Variants in NEGR1 observed in about 807,000 individuals in gnomAD.
NEGR1 encodes the protein neuronal growth regulator 1.
NEGR1 carries 10 observed loss-of-function variants against 40.9 expected under a neutral mutation model. The ratio of observed to expected loss-of-function variants is 0.24; its 90% CI spans 0.15 to 0.42. The LOEUF (loss-of-function observed/expected upper bound fraction) is 0.42. Ranked by LOEUF, NEGR1 falls within the 10% of genes least tolerant of loss-of-function variation. NEGR1 has a pLI of 1.00. For missense variants in NEGR1, 352 were observed against 438.9 expected (o/e 0.80, Z 1.77); for synonymous variants, 185 against 166.8 (o/e 1.11, Z -0.84).
chr1:72,176,063 T>C (rs1400532458), intron 1 of NEGR1, among the ~76,000 whole-genome samples: 16 of 152,076 alleles, frequency 1.1e-4, no homozygotes, highest in African/African-American at 3.6e-4. Flanking sequence ...CAGAAAGCAA[T>C]ACAAATTGCA....
At chr1:72,145,380 A>AACAGC (rs1650867912) in intron 1 of NEGR1, among the ~76,000 whole-genome samples, 1 of 152,120 alleles carries the variant, frequency 6.6e-6, no homozygotes, top group Non-Finnish European at 1.5e-5. Context: ...ACTTCAAGTG[A>AACAGC]ATTGAGTTGT....
intron 6 of NEGR1, among the ~76,000 whole-genome samples, chr1:71,430,184 C>T (rs369737368): frequency 1.3e-5 from 2 of 152,250 alleles, no homozygotes; most frequent in South Asian, 2.1e-4. Context: ...TGTTTGGCAC[C>T]TTCTGGCAAA....
intron 2 of NEGR1, among the ~76,000 whole-genome samples, chr1:71,898,404 A>G (rs371999376): frequency 6.6e-6 from 1 of 152,302 alleles, no homozygotes; most frequent in African/African-American, 2.4e-5. Context: ...TCACGAGGTC[A>G]GGAGATCGAG....
intron 1 of NEGR1, among the ~76,000 whole-genome samples, chr1:72,122,417 C>A (rs1649837739): frequency 6.6e-6 from 1 of 151,990 alleles, no homozygotes; most frequent in Admixed American, 6.6e-5. Flanking sequence ...GCAAAAAAAA[C>A]TTGTGAATTT....
At chr1:72,060,563 C>T (rs1414549408) in intron 1 of NEGR1, among the ~76,000 whole-genome samples, 2 of 151,506 alleles carry the variant, frequency 1.3e-5, no homozygotes, top group Admixed American at 1.3e-4. Flanking sequence ...ATTTTAATAA[C>T]CTCTTTATTT....
intron 5 of NEGR1, among the ~76,000 whole-genome samples, chr1:71,594,710 C>T (rs890330731): frequency 2.0e-5 from 3 of 152,162 alleles, no homozygotes; most frequent in African/African-American, 7.2e-5. Flanking sequence ...CTAAATTCCC[C>T]TAGTCATTAT....
intron 6 of NEGR1, among the ~76,000 whole-genome samples, chr1:71,503,294 G>A (rs762876577): frequency 8.5e-5 from 13 of 152,088 alleles, no homozygotes; most frequent in East Asian, 1.9e-4. Context: ...GATAGGTTAC[G>A]TTCTCTGCTG....
At chr1:71,610,752 A>C (rs1301237264) in intron 5 of NEGR1, among the ~76,000 whole-genome samples, 1 of 152,096 alleles carries the variant, frequency 6.6e-6, no homozygotes, top group African/African-American at 2.4e-5. Context: ...AGTTGCCAGC[A>C]ACTCAGTTTC....
intron 3 of NEGR1, among the ~76,000 whole-genome samples, chr1:71,727,851 G>C (rs1022156802): frequency 1.3e-5 from 2 of 152,136 alleles, no homozygotes; most frequent in East Asian, 3.9e-4. Context: ...TTGAGTTTAT[G>C]TTAAAGAACA....
chr1:71,688,366 TGA>T (rs367570810), intron 4 of NEGR1, among the ~76,000 whole-genome samples: 581 of 30,358 alleles, frequency 0.019, 25 homozygotes, highest in South Asian at 0.031. Context: ...TATATATATA[TGA>T]GATATATACA....
At chr1:72,242,492 C>G (rs1396494763) in intron 1 of NEGR1, among the ~76,000 whole-genome samples, 2 of 151,546 alleles carry the variant, frequency 1.3e-5, no homozygotes, top group Non-Finnish European at 3.0e-5. Context: ...TATCTCTTGA[C>G]TGATTTTAGG....
intron 6 of NEGR1, among the ~76,000 whole-genome samples, chr1:71,544,839 A>G (rs1489216629): frequency 5.3e-5 from 8 of 151,608 alleles, no homozygotes; most frequent in Non-Finnish European, 1.2e-4. Flanking sequence ...AAGAATGGAA[A>G]CTTGGAAATC....
At chr1:71,574,488 C>G (rs1648901511) in intron 6 of NEGR1, among the ~76,000 whole-genome samples, 1 of 152,138 alleles carries the variant, frequency 6.6e-6, no homozygotes, top group African/African-American at 2.4e-5. Flanking sequence ...TACCTAGGCT[C>G]TGCCATTAAC....
chr1:72,182,908 T>C (rs1652439499), intron 1 of NEGR1, among the ~76,000 whole-genome samples: 1 of 151,918 alleles, frequency 6.6e-6, no homozygotes, highest in African/African-American at 2.4e-5. Flanking sequence ...CTTCATATTT[T>C]CCTTAAAATG....
At chr1:71,451,483 G>A (rs1056099478) in intron 6 of NEGR1, among the ~76,000 whole-genome samples, 2 of 151,802 alleles carry the variant, frequency 1.3e-5, no homozygotes, top group Non-Finnish European at 2.9e-5. Context: ...ACAGGTGCCC[G>A]CCACCACGCC....
At chr1:72,061,016 T>C (rs2821271) in intron 1 of NEGR1, among the ~76,000 whole-genome samples, 20,667 of 151,602 alleles carry the variant, frequency 0.14, 1,873 homozygotes, top group East Asian at 0.28. Context: ...TGTGTGAATA[T>C]ATCCTGTCTC....
At chr1:71,629,063 C>T (rs1188659416) in intron 4 of NEGR1, among the ~76,000 whole-genome samples, 2 of 152,090 alleles carry the variant, frequency 1.3e-5, no homozygotes, top group African/African-American at 4.8e-5. Context: ...TCTCTACATC[C>T]TCTCCAGCTT....
chr1:71,915,343 C>T (rs1661545014), intron 2 of NEGR1, among the ~76,000 whole-genome samples: 1 of 151,862 alleles, frequency 6.6e-6, no homozygotes, highest in Admixed American at 6.6e-5. Context: ...AAATAAGCAG[C>T]TAATATTTAT....
At chr1:71,942,531 T>G (rs1184355356) in intron 1 of NEGR1, among the ~76,000 whole-genome samples, 2 of 92,382 alleles carry the variant, frequency 2.2e-5, no homozygotes, top group Admixed American at 1.2e-4. Context: ...AGACGGAGTC[T>G]CGCTCTGTCG....
Sources: allele counts gnomAD v4.1 joint callset (sites outside exome capture counted in the v4.1 genomes callset), GRCh38; gene constraint gnomAD v4.1.1; transcripts MANE v1.5; gene names NCBI Gene and HGNC (gene_info 2026-07-23, HGNC 2026-07-21).